AUTS2: variants seen among roughly 807,000 people sequenced by gnomAD.
AUTS2 encodes activator of transcription and developmental regulator AUTS2.
In AUTS2, 17 loss-of-function variants were observed where a neutral mutation model predicts 112.4. The ratio of observed to expected loss-of-function variants is 0.15; its 90% CI spans 0.10 to 0.23. The LOEUF is 0.23. AUTS2 is among the 10% of genes least tolerant of loss of function. The probability of loss-of-function intolerance (pLI) is 1.00; values close to 1 mark genes in which losing one functional copy is unlikely to be tolerated. For synonymous variants in AUTS2, 751 were observed against 702.7 expected (o/e 1.07, Z -1.09); for missense variants, 1,510 against 1,701.6 (o/e 0.89, Z 1.98).
In AUTS2 at chr7:69,947,607, C is replaced by T. The variant is rs186236804; in HGVS notation, c.522+48109C>T. Among the ~76,000 whole-genome samples, 193 of 152,252 alleles carry T rather than the reference C, an allele frequency of 1.3e-3. 2 individuals carry two copies. Among genetic ancestry groups the T allele is most frequent in the Non-Finnish European group, 2.2e-4 (15 of 68,024 alleles). ...TAAACAAGGCCCAATTGTTGTTACC[C>T]ACTAGGCAGATTTTTTTATTATCCA... On this transcript the variant is annotated intron_variant, in intron 2 of 18. Transcript: ENST00000342771.
intron 6 of AUTS2, among the ~76,000 whole-genome samples, chr7:70,719,822 C>G (rs1218513984): frequency 6.6e-6 from 1 of 152,136 alleles, no homozygotes; most frequent in African/African-American, 2.4e-5. Context: ...GGTTACACCC[C>G]ACACAGTGAA....
At chr7:70,590,217 A>G (rs1216861399) in intron 5 of AUTS2, among the ~76,000 whole-genome samples, 2 of 152,126 alleles carry the variant, frequency 1.3e-5, no homozygotes, top group Admixed American at 6.6e-5. Context: ...AAGTACTGAC[A>G]ACAACCTCTG....
intron 4 of AUTS2, among the ~76,000 whole-genome samples, chr7:70,288,743 TAGAG>T (rs1293496853): frequency 6.6e-6 from 1 of 152,184 alleles, no homozygotes; most frequent in East Asian, 1.9e-4. Flanking sequence ...AACAATGAGA[TAGAG>T]AGGCCTGAAT....
chr7:70,068,350 T>C (rs1170615262), intron 2 of AUTS2, among the ~76,000 whole-genome samples: 1 of 151,772 alleles, frequency 6.6e-6, no homozygotes, highest in African/African-American at 2.4e-5. Context: ...GCTAATTTTT[T>C]TTTTTTTGTA....
At chr7:70,066,639 A>G (rs1050815402) in intron 2 of AUTS2, among the ~76,000 whole-genome samples, 1 of 151,330 alleles carries the variant, frequency 6.6e-6, no homozygotes, top group Non-Finnish European at 1.5e-5. Context: ...CCCGGGTTCA[A>G]GCGATTCTTC....
rs1318255789 is a variant in AUTS2 at position 70,771,657 on chromosome 7, A to G, written c.1830+13A>G. 6.2e-7 allele frequency: 1 copy of G among 1,609,056 alleles called. No homozygotes were observed. Among genetic ancestry groups the G allele is most frequent in the Non-Finnish European group, 8.5e-7 (1 of 1,175,726 alleles). On this transcript the variant is annotated intron_variant, in intron 11 of 18. Coordinates refer to ENST00000342771, the MANE Select transcript of AUTS2 (RefSeq NM_015570.4). ...ATTTCAGCCGAAGGTAAGAAACCTC[A>G]CAGTGAAAACACACAGGCATGTGTC...
At chr7:69,766,941 T>C (rs1788445951) in intron 1 of AUTS2, among the ~76,000 whole-genome samples, 1 of 152,228 alleles carries the variant, frequency 6.6e-6, no homozygotes, top group South Asian at 2.1e-4. Context: ...TTCTCTGCCA[T>C]TGGGGTTGCA....
At chr7:70,179,962 T>G (rs961727549) in intron 4 of AUTS2, among the ~76,000 whole-genome samples, 1 of 152,182 alleles carries the variant, frequency 6.6e-6, no homozygotes, top group Non-Finnish European at 1.5e-5. Flanking sequence ...GGAGCTCTAA[T>G]GCCAGAATAA....
At chr7:70,691,233 T>C (rs1350703219) in intron 5 of AUTS2, among the ~76,000 whole-genome samples, 1 of 152,200 alleles carries the variant, frequency 6.6e-6, no homozygotes, top group Admixed American at 6.5e-5. Flanking sequence ...TGCTTTCTAT[T>C]AGAAAGGGTT....
intron 3 of AUTS2, among the ~76,000 whole-genome samples, chr7:70,126,984 G>A (rs553014172): frequency 2.6e-5 from 4 of 152,076 alleles, no homozygotes; most frequent in South Asian, 2.1e-4. Flanking sequence ...ACACCACCAC[G>A]CCTGGCTAAT....
chr7:70,498,800 G>A (rs1585221435), intron 5 of AUTS2, among the ~76,000 whole-genome samples: 4 of 152,224 alleles, frequency 2.6e-5, no homozygotes, highest in Admixed American at 2.6e-4. Context: ...CTGCGATGAT[G>A]TGTGCCAGAT....
At chr7:70,158,889 T>C (rs559123132) in intron 4 of AUTS2, among the ~76,000 whole-genome samples, 1 of 152,198 alleles carries the variant, frequency 6.6e-6, no homozygotes, top group African/African-American at 2.4e-5. Flanking sequence ...AGGCAATAAA[T>C]ATATAAATAA....
intron 2 of AUTS2, among the ~76,000 whole-genome samples, chr7:69,943,395 C>A (rs1796698154): frequency 6.6e-6 from 1 of 152,154 alleles, no homozygotes; most frequent in Admixed American, 6.5e-5. Context: ...GGCAGTATGG[C>A]AAAGCCTCAG....
intron 2 of AUTS2, among the ~76,000 whole-genome samples, chr7:70,111,121 C>T (rs1390625280): frequency 6.6e-6 from 1 of 151,822 alleles, no homozygotes; most frequent in Non-Finnish European, 1.5e-5. Context: ...CCTCATGATC[C>T]GCCCGCCTCG....
chr7:69,612,731 A>G (rs1188241032), intron 1 of AUTS2, among the ~76,000 whole-genome samples: 1 of 152,196 alleles, frequency 6.6e-6, no homozygotes, highest in Admixed American at 6.5e-5. Context: ...TGCTGGGATT[A>G]TAGGCATGAG....
intron 2 of AUTS2, among the ~76,000 whole-genome samples, chr7:70,093,242 C>G (rs1309799779): frequency 2.0e-5 from 3 of 152,166 alleles, no homozygotes; most frequent in Non-Finnish European, 2.9e-5. Context: ...GGCTCCATTT[C>G]CAGACTCGGC....
At chr7:70,407,631 A>G (rs1794592513) in intron 4 of AUTS2, among the ~76,000 whole-genome samples, 1 of 152,174 alleles carries the variant, frequency 6.6e-6, no homozygotes, top group African/African-American at 2.4e-5. Flanking sequence ...TAAAAAGAAT[A>G]TAGTGAGCCA....
intron 1 of AUTS2, among the ~76,000 whole-genome samples, chr7:69,678,753 G>A (rs559065522): frequency 2.6e-5 from 4 of 152,224 alleles, no homozygotes; most frequent in Admixed American, 6.5e-5. Flanking sequence ...AAGACACGGC[G>A]TGAGCCATTC....
chr7:70,303,473 C>CACACACACACACAT (rs1789339045), intron 4 of AUTS2, among the ~76,000 whole-genome samples: 1 of 151,378 alleles, frequency 6.6e-6, no homozygotes, highest in Non-Finnish European at 1.5e-5. Context: ...CACACACACA[C>CACACACACACACAT]AGTGCTGCTG....
Sources: gnomAD v4.1 joint callset for allele counts (sites outside exome capture counted in the v4.1 genomes callset) on GRCh38, gnomAD v4.1.1 for gene constraint, MANE v1.5 for transcripts, NCBI Gene and HGNC (gene_info 2026-07-23, HGNC 2026-07-21) for gene names.